Variants in ZNF541 observed in about 807,000 individuals in gnomAD.
The protein encoded by ZNF541 is zinc finger protein 541.
A neutral mutation model predicts 123.5 loss-of-function variants in ZNF541; 23 were observed. That is an observed-to-expected ratio of 0.19 (90% CI 0.13 to 0.26). ZNF541 has a LOEUF of 0.26. Ranked by LOEUF, ZNF541 falls within the 10% of genes least tolerant of loss-of-function variation. ZNF541 has a pLI of 1.00. For synonymous variants in ZNF541, 751 were observed against 754.5 expected, an observed-to-expected ratio of 1.00 and a Z score of 0.08; for missense variants, 1,612 against 1,789.9, an observed-to-expected ratio of 0.90 and a Z score of 1.79.
At chr19:47,525,361 TTTTTGTTTTG>T (rs566030112) in intron 14 of ZNF541, among the ~76,000 whole-genome samples, 1 of 152,128 alleles carries the variant, frequency 6.6e-6, no homozygotes, top group African/African-American at 2.4e-5. Context: ...CCTAGCAGGT[TTTTTGTTTTG>T]TTTTGTTTTG....
At position 47,521,831 on chromosome 19, in the gene ZNF541, C is replaced by T. The variant is rs1400257584; in HGVS notation, c.3711+23G>A. On this transcript the variant is annotated intron_variant, in intron 15 of 16. Coordinates refer to ENST00000391901, the MANE Select transcript of ZNF541 (RefSeq NM_001277075.3). The surrounding 1 kb of genome is among the most constrained non-coding windows in gnomAD (Gnocchi z 4.2). ...GGCACTGGGAGGAGAGAAGAGCTCC[C>T]GACACAGCCCTGGTTCCTCTACCTT... 8.4e-6 allele frequency: 13 copies of T among 1,548,016 alleles called. No homozygotes were observed. The highest frequency in any genetic ancestry group is 1.4e-5 in the African/African-American group (1 of 72,840).
chr19:47,528,078 G>T (rs1289375244), intron 14 of ZNF541, among the ~76,000 whole-genome samples: 1 of 141,918 alleles, frequency 7.0e-6, no homozygotes, highest in Non-Finnish European at 1.5e-5. Context: ...ACTTTGGGAG[G>T]CTGAGGCAGG....
intron 4 of ZNF541, among the ~76,000 whole-genome samples, chr19:47,548,670 T>G (rs1459066689): frequency 6.6e-6 from 1 of 152,104 alleles, no homozygotes; most frequent in East Asian, 1.9e-4. Flanking sequence ...TTAGGCGTTT[T>G]TAACCCACAA....
chr19:47,534,584 G>A (rs1054923980), intron 9 of ZNF541, among the ~76,000 whole-genome samples: 1 of 151,990 alleles, frequency 6.6e-6, no homozygotes, highest in African/African-American at 2.4e-5. Flanking sequence ...GTTAGAGGCT[G>A]CAGTGAGCCG....
At chr19:47,547,870 T>C (rs985620640) in intron 4 of ZNF541, among the ~76,000 whole-genome samples, 1 of 151,340 alleles carries the variant, frequency 6.6e-6, no homozygotes, top group African/African-American at 2.4e-5. Context: ...AGAAATCCTG[T>C]CTCTACTAAA....
intron 12 of ZNF541, among the ~76,000 whole-genome samples, chr19:47,530,062 A>T (rs1969490636): frequency 6.6e-6 from 1 of 152,080 alleles, no homozygotes; most frequent in Non-Finnish European, 1.5e-5. Context: ...AGGTCTCACT[A>T]TGTTGTCCAG....
At chr19:47,524,276 C>T (rs371881881) in intron 14 of ZNF541, among the ~76,000 whole-genome samples, 8 of 152,272 alleles carry the variant, frequency 5.3e-5, no homozygotes, top group African/African-American at 1.9e-4. Flanking sequence ...TCACCATGCA[C>T]GCAAAGACGC....
At chr19:47,550,847 G>C (rs2075683671) in intron 3 of ZNF541, among the ~76,000 whole-genome samples, 1 of 152,144 alleles carries the variant, frequency 6.6e-6, no homozygotes, top group South Asian at 2.1e-4. Context: ...AGCTAGGCTT[G>C]GTGAATGAAA....
chr19:47,563,976 A>G (rs1052208830), intron 2 of ZNF541, among the ~76,000 whole-genome samples: 4 of 152,144 alleles, frequency 2.6e-5, no homozygotes, highest in Non-Finnish European at 4.4e-5. Flanking sequence ...GCATTAACTT[A>G]CTTCTCACAA....
In ZNF541 at chr19:47,538,298, G is replaced by A; in HGVS notation, c.2938C>T (p.Leu980=). 6 of 1,548,958 alleles carry A rather than the reference G, an allele frequency of 3.9e-6. No individual in the cohort carries two copies. Among genetic ancestry groups the A allele is most frequent in the Non-Finnish European group, 4.4e-6 (5 of 1,145,112 alleles). The change falls in exon 9 of 17, where the codon CTG becomes TTG. Residue 980 remains leucine, a synonymous_variant. Coordinates refer to ENST00000391901, the MANE Select transcript of ZNF541 (RefSeq NM_001277075.3). ...HQSRLRSPMF[L]VDCLLKGLFQ... is the part of the protein sequence containing the mutation. ...AAGCCCTTCAGGAGGCAGTCCACCA[G>A]GAACATGGGTGACCGCAGGCGGCTC...
chr19:47,551,565 G>A (rs531753405), intron 3 of ZNF541, among the ~76,000 whole-genome samples: 3 of 151,936 alleles, frequency 2.0e-5, no homozygotes, highest in Admixed American at 2.0e-4. Context: ...TTGAGACAGG[G>A]TCTTATTCTG....
intron 4 of ZNF541, 46 bp from the exon 5 acceptor site, chr19:47,546,026 G>A (rs975793948): frequency 3.5e-6 from 5 of 1,431,462 alleles, no homozygotes; most frequent in South Asian, 1.5e-5. Context: ...ACCTGGGACC[G>A]GGCTTTCTGC....
Position 47,521,383 on chromosome 19 carries a change from G to T in ZNF541, c.3888-6C>A, listed in dbSNP as rs1415787797. The stretch of plus-strand genomic sequence containing the variant: ...TCTTGATCTTGTCAAACACCCTGAG[G>T]AGTCACCAGAGGACATGGGGTCAGA... On this transcript the variant is annotated splice_polypyrimidine_tract_variant and splice_region_variant and intron_variant, in intron 16 of 16. Transcript: ENST00000391901. The surrounding 1 kb of genome is among the most constrained non-coding windows in gnomAD (Gnocchi z 4.2). 5 of 1,551,628 alleles carry T rather than the reference G, an allele frequency of 3.2e-6. No individual in the cohort carries two copies. The highest frequency in any genetic ancestry group is 4.4e-6 in the Non-Finnish European group (5 of 1,146,984).
intron 14 of ZNF541, 36 bp downstream of exon 14, chr19:47,528,914 G>C: frequency 6.6e-7 from 1 of 1,514,088 alleles, no homozygotes; most frequent in Non-Finnish European, 9.0e-7. Context: ...AGCTGTGTGA[G>C]GCAGGGCCTT....
chr19:47,566,941 C>G (rs1971289000), intron 2 of ZNF541, among the ~76,000 whole-genome samples: 1 of 151,302 alleles, frequency 6.6e-6, no homozygotes, highest in South Asian at 2.1e-4. Context: ...GTCCCAGCTA[C>G]TCGGGAGGCT....
At chr19:47,555,063 T>C (rs1172230149) in intron 3 of ZNF541, among the ~76,000 whole-genome samples, 6 of 144,434 alleles carry the variant, frequency 4.2e-5, no homozygotes, top group Non-Finnish European at 9.1e-5. Context: ...CACTGTACTC[T>C]GCCTAAAAAA....
rs1284873016 is a variant in ZNF541, at chr19:47,538,254, G to A, written c.2982C>T (p.Tyr994=). The stretch of plus-strand genomic sequence containing the variant: ...TGGGGCTGAGCATTGGGGGTGGTGT[G>A]TAGGGGGAGCACTGGAATAAGCCCT... ...LLKGLFQCSP[Y]TPPPMLSPIR... Residue 994 remains tyrosine, a synonymous_variant, in exon 9 of 17, where the codon TAC becomes TAT. Transcript: ENST00000391901. The A allele has an allele frequency of 1.9e-6, 3 of 1,551,486 alleles. No individual in the cohort carries two copies. Among genetic ancestry groups the A allele is most frequent in the African/African-American group, 2.7e-5 (2 of 73,058 alleles).
chr19:47,545,210 G>A lies in ZNF541; in HGVS notation c.1319C>T (p.Pro440Leu), dbSNP rs1970283294. The A allele has an allele frequency of 6.5e-7, 1 of 1,533,128 alleles. No individual in the cohort carries two copies. Among genetic ancestry groups the A allele is most frequent in the Non-Finnish European group, 8.8e-7 (1 of 1,138,484 alleles). The allele number at this position is 1,533,128 out of a possible 1,614,324, so 95.0% of individuals were successfully genotyped here. The change falls in exon 5 of 17, where the codon CCC (proline) becomes CTC (leucine). Residue 440 changes from proline (P) to leucine (L), a missense_variant. Pro to Leu is a moderately conservative substitution (Grantham distance 98). Coordinates refer to ENST00000391901, the MANE Select transcript of ZNF541 (RefSeq NM_001277075.3). The surrounding 1 kb of genome is among the most constrained non-coding windows in gnomAD (Gnocchi z 7.5). ...GCCAGACTCGGAGCCCTCCCGCGAG[G>A]GCACGGCCGAGGGCTTGTGGACAAC... Reference protein sequence around the residue: ...VFVVHKPSAVPSREGSESGPG... With the variant: ...VFVVHKPSAVLSREGSESGPG...
At chr19:47,552,197 T>A (rs1391353006) in intron 3 of ZNF541, among the ~76,000 whole-genome samples, 1 of 152,166 alleles carries the variant, frequency 6.6e-6, no homozygotes, top group Admixed American at 6.5e-5. Flanking sequence ...TTATCAGGGA[T>A]ACTATGGAGA....
Sources: gnomAD v4.1 joint callset for allele counts (sites outside exome capture counted in the v4.1 genomes callset) on GRCh38, gnomAD v4.1.1 for gene constraint, Gnocchi (gnomAD v3.1) non-coding constraint, MANE v1.5 for transcripts, NCBI Gene and HGNC (gene_info 2026-07-23, HGNC 2026-07-21) for gene names.